Variants in RASSF6 observed in about 807,000 individuals in gnomAD.
The protein encoded by RASSF6 is ras association domain-containing protein 6.
A neutral mutation model predicts 44.0 loss-of-function variants in RASSF6; 52 were observed. That is an observed-to-expected ratio of 1.18 (90% CI 0.95 to 1.49). The LOEUF is 1.49. Ranked by LOEUF, RASSF6 falls within the 40% of genes most tolerant of loss-of-function variation. RASSF6 has a pLI of 0.00. For missense variants in RASSF6, 464 were observed against 393.3 expected (o/e 1.18, Z -1.52); for synonymous variants, 162 against 124.6 (o/e 1.30, Z -2.00).
chr4:73,579,013 A>C lies in RASSF6; in HGVS notation c.722-2282T>G, dbSNP rs552949346. On this transcript the variant is annotated intron_variant, in intron 8 of 10. Transcript: ENST00000307439. ...ACTCCATACCTTTCTCCCTAGTCATAAGACCATATATACCACATACTTAAA... is the reference window on the plus strand; with the variant it reads ...ACTCCATACCTTTCTCCCTAGTCATCAGACCATATATACCACATACTTAAA... 1.5e-3 allele frequency among the ~76,000 whole-genome samples: 229 copies of C among 152,258 alleles called. 1 individual carries two copies. Among genetic ancestry groups the C allele is most frequent in the African/African-American group, 5.3e-3 (221 of 41,536 alleles).
chr4:73,596,899 C>T (rs778945185), intron 3 of RASSF6, among the ~76,000 whole-genome samples: 2 of 152,100 alleles, frequency 1.3e-5, no homozygotes, highest in Admixed American at 6.5e-5. Flanking sequence ...ATAAATGGTG[C>T]TCGGATAACT....
intron 2 of RASSF6, 40 bp from the exon 3 acceptor site, chr4:73,598,758 T>C: frequency 2.2e-6 from 2 of 899,858 alleles, no homozygotes; most frequent in South Asian, 3.4e-5. Flanking sequence ...AGTCTTAGAG[T>C]TTTTAACGTA....
upstream of RASSF6, chr4:73,620,458 C>T (rs963934279): frequency 1.2e-5 from 19 of 1,547,510 alleles, no homozygotes; most frequent in East Asian, 4.4e-4. Context: ...AGGTCCGAGG[C>T]CCGCGCGGGC....
At chr4:73,597,375 C>T (rs934865786) in intron 3 of RASSF6, among the ~76,000 whole-genome samples, 2 of 152,040 alleles carry the variant, frequency 1.3e-5, no homozygotes, top group African/African-American at 4.8e-5. Flanking sequence ...TATGAAAAAG[C>T]TCTACATAAC....
At chr4:73,603,269 T>G (rs1725403126) in intron 2 of RASSF6, among the ~76,000 whole-genome samples, 1 of 152,108 alleles carries the variant, frequency 6.6e-6, no homozygotes, top group South Asian at 2.1e-4. Flanking sequence ...AAGGATGGTG[T>G]TTTCACTAAA....
intron 1 of RASSF6, chr4:73,616,042 A>C: frequency 3.1e-6 from 3 of 976,776 alleles, no homozygotes; most frequent in South Asian, 1.5e-5. Flanking sequence ...AATTGGGTTC[A>C]CTCGTTTGTA....
chr4:73,612,507 CGTT>C, intron 1 of RASSF6, among the ~76,000 whole-genome samples: 1 of 114,648 alleles, frequency 8.7e-6, no homozygotes, highest in Admixed American at 9.2e-5. Flanking sequence ...AAAAAAAAAA[CGTT>C]GTGTATAAGG....
chr4:73,582,189 C>G lies in RASSF6; in HGVS notation c.669G>C (p.Lys223Asn). 3 of 1,456,408 alleles carry G rather than the reference C, an allele frequency of 2.1e-6. No homozygotes were observed. The East Asian group carries it at 7.0e-5, about 34-fold the overall frequency. The allele number at this position is 1,456,408 out of a possible 1,614,324, so 90.2% of individuals were successfully genotyped here. Residue 223 changes from lysine to asparagine, a missense_variant and splice_region_variant, in exon 7 of 11, where the codon AAG becomes AAC. Lys to Asn is a moderately conservative substitution (Grantham distance 94, BLOSUM62 0). Coordinates refer to ENST00000307439, the MANE Select transcript of RASSF6 (RefSeq NM_177532.5). The part of the protein sequence containing the change: ...EVIKQLLQKF[K>N]IENSPQDFAL... ...AGCTCAGTTAAGTGATAAAGGTTAC[C>G]TTAAATTTTTGGAGAAGTTGCTTTA...
In RASSF6 at chr4:73,620,280, T is replaced by C; in HGVS notation, c.-35+8A>G. ...TAGAAAGTTTTTTTCCCCATCCCCA[T>C]TTTTTACCTGTTATTCACACTGTGA... On this transcript the variant is annotated splice_region_variant and intron_variant, in intron 1 of 10. Coordinates refer to ENST00000307439, the MANE Select transcript of RASSF6 (RefSeq NM_177532.5). 1 of 1,405,498 alleles carries C rather than the reference T, an allele frequency of 7.1e-7. No homozygotes were observed. The highest frequency in any genetic ancestry group is 9.2e-7 in the Non-Finnish European group (1 of 1,082,582). 87.1% of individuals were successfully genotyped at this position (1,405,498 alleles called of 1,614,324 possible). A position where few individuals can be genotyped will look rare whatever the true frequency, so the allele number is the denominator to read the frequency against.
chr4:73,582,199 T>C lies in RASSF6; in HGVS notation c.659A>G (p.Gln220Arg). ...RTEEVIKQLL[Q>R]KFKIENSPQD... The stretch of plus-strand genomic sequence containing the variant: ...AGTGATAAAGGTTACCTTAAATTTT[T>C]GGAGAAGTTGCTTTATTACTTCTTC... The change falls in exon 7 of 11, where the codon CAA becomes CGA. Residue 220 changes from glutamine (Q) to arginine (R), a missense_variant. By Grantham distance (43) the Gln-to-Arg change is conservative. Transcript: ENST00000307439. 6.5e-7 allele frequency: 1 copy of C among 1,530,932 alleles called. No homozygotes were observed. Among genetic ancestry groups the C allele is most frequent in the Non-Finnish European group, 9.0e-7 (1 of 1,114,728 alleles). The allele number at this position is 1,530,932 out of a possible 1,614,324, so 94.8% of individuals were successfully genotyped here.
At chr4:73,581,894 A>G (rs1167794196) in intron 7 of RASSF6, 26 bp from the exon 8 acceptor site, 3 of 1,577,264 alleles carry the variant, frequency 1.9e-6, no homozygotes, top group Non-Finnish European at 2.6e-6. Context: ...ATGAACAAAT[A>G]TAAATTCTTT....
chr4:73,610,215 A>G (rs1309965516), intron 2 of RASSF6, among the ~76,000 whole-genome samples: 1 of 152,096 alleles, frequency 6.6e-6, no homozygotes, highest in African/African-American at 2.4e-5. Context: ...CCCATGTCTA[A>G]CCCTTCTGGA....
intron 8 of RASSF6, among the ~76,000 whole-genome samples, chr4:73,578,970 A>G (rs1485007307): frequency 1.3e-5 from 2 of 151,838 alleles, no homozygotes; most frequent in East Asian, 3.9e-4. Flanking sequence ...AATCTATCTC[A>G]ATGGTTTTGT....
chr4:73,592,411 T>C (rs535321799), intron 4 of RASSF6, among the ~76,000 whole-genome samples: 126 of 152,222 alleles, frequency 8.3e-4, no homozygotes, highest in African/African-American at 3.0e-3. Context: ...AAAAGAAGGC[T>C]TGGTATCTCA....
intron 4 of RASSF6, among the ~76,000 whole-genome samples, chr4:73,589,251 T>A (rs1724345226): frequency 6.6e-6 from 1 of 152,120 alleles, no homozygotes; most frequent in Admixed American, 6.6e-5. Flanking sequence ...AGGTAATAAC[T>A]TTAACTCAAA....
chr4:73,612,008 C>A (rs1726048922), intron 1 of RASSF6, among the ~76,000 whole-genome samples, 179 bp from the exon 2 acceptor site: 1 of 152,150 alleles, frequency 6.6e-6, no homozygotes, highest in Admixed American at 6.5e-5. Context: ...TGAAAAACTA[C>A]AGAAACAGTA....
chr4:73,609,033 A>C (rs1725834125), intron 2 of RASSF6, among the ~76,000 whole-genome samples: 1 of 152,220 alleles, frequency 6.6e-6, no homozygotes, highest in Non-Finnish European at 1.5e-5. Context: ...CATCATGTTA[A>C]TTAAACTTAC....
At chr4:73,578,920 C>T (rs1723426683) in intron 8 of RASSF6, among the ~76,000 whole-genome samples, 1 of 151,938 alleles carries the variant, frequency 6.6e-6, no homozygotes, top group Non-Finnish European at 1.5e-5. Context: ...CACCCCCCTT[C>T]TCATCCTCTC....
chr4:73,585,406 GTGTCCTAGCATCC>G lies in RASSF6; in HGVS notation c.383-55_383-43del, dbSNP rs535950928. 8.9e-5 allele frequency: 122 copies of G among 1,365,810 alleles called. 1 individual carries two copies. In the East Asian group the frequency reaches 1.7e-3, roughly 19 times the overall value. 84.6% of individuals were successfully genotyped at this position (1,365,810 alleles called of 1,614,324 possible). A position where few individuals can be genotyped will look rare whatever the true frequency, so the allele number is the denominator to read the frequency against. ...ATAAGCTCATATCATTCAGCTGCCT[GTGTCCTAGCATCC>G]TGAGTGGATTTGTGTATGCTTTCAT... On this transcript the variant is annotated intron_variant, in intron 5 of 10. Coordinates refer to ENST00000307439, the MANE Select transcript of RASSF6 (RefSeq NM_177532.5).
Sources: gnomAD v4.1 joint callset for allele counts (sites outside exome capture counted in the v4.1 genomes callset) on GRCh38, gnomAD v4.1.1 for gene constraint, MANE v1.5 for transcripts, NCBI Gene and HGNC (gene_info 2026-07-23, HGNC 2026-07-21) for gene names.